Variants in MYO1D observed in about 807,000 individuals in gnomAD.
MYO1D encodes myosin ID.
MYO1D carries 83 observed loss-of-function variants against 122.0 expected under a neutral mutation model. The ratio of observed to expected loss-of-function variants is 0.68; its 90% CI spans 0.57 to 0.82. The LOEUF is 0.82. Ranked by LOEUF, MYO1D falls within the 40% of genes least tolerant of loss-of-function variation. The pLI, the probability that MYO1D is intolerant of heterozygous loss-of-function variation, is 0.00. For missense variants in MYO1D, 1,157 were observed against 1,269.5 expected, an observed-to-expected ratio of 0.91 and a Z score of 1.35; for synonymous variants, 464 against 446.9, an observed-to-expected ratio of 1.04 and a Z score of -0.48.
intron 21 of MYO1D, among the ~76,000 whole-genome samples, chr17:32,549,248 A>G (rs1227283463): frequency 6.6e-6 from 1 of 152,082 alleles, no homozygotes; most frequent in East Asian, 1.9e-4. Flanking sequence ...ACACAGCACC[A>G]CACCCAGCTA....
rs567649657 is a variant in MYO1D, at chr17:32,751,939, T to C, written c.1468-2933A>G. The stretch of plus-strand genomic sequence containing the variant: ...TAGAAAAACAATCCTAAAGTTCATA[T>C]AGAACCAAAAAACAGCCCAAATAGC... On this transcript the variant is annotated intron_variant, in intron 11 of 21. Transcript: ENST00000318217. 2.6e-5 allele frequency among the ~76,000 whole-genome samples: 4 copies of C among 152,218 alleles called. No homozygotes were observed. In the South Asian group the frequency reaches 6.2e-4, roughly 24 times the overall value.
At chr17:32,817,855 G>C (rs191388484) in intron 1 of MYO1D, among the ~76,000 whole-genome samples, 1 of 151,924 alleles carries the variant, frequency 6.6e-6, no homozygotes, top group Non-Finnish European at 1.5e-5. Context: ...GGCCGGGCGC[G>C]GTGGCTCACG....
intron 16 of MYO1D, among the ~76,000 whole-genome samples, chr17:32,666,744 G>T (rs779463249): frequency 1.3e-5 from 2 of 152,108 alleles, no homozygotes; most frequent in Non-Finnish European, 2.9e-5. Context: ...GTCATTATGG[G>T]CATTGGGGGC....
chr17:32,636,897 A>G (rs2088107610), intron 20 of MYO1D, among the ~76,000 whole-genome samples: 1 of 152,228 alleles, frequency 6.6e-6, no homozygotes, highest in South Asian at 2.1e-4. Flanking sequence ...ATGCACAAAT[A>G]TGGTATGGGA....
intron 1 of MYO1D, among the ~76,000 whole-genome samples, chr17:32,795,495 CAATAGCTTCCTCCCATAAAACGTT>C (rs1226949216): frequency 1.3e-5 from 2 of 151,698 alleles, no homozygotes; most frequent in Non-Finnish European, 2.9e-5. Context: ...GAAACAAACA[CAATAGCTTCCTCCCATAAAACGTT>C]AACTACTAAG....
At chr17:32,686,553 C>T (rs1372833756) in intron 16 of MYO1D, 2 of 152,154 alleles carry the variant, frequency 1.3e-5, no homozygotes, top group Non-Finnish European at 2.9e-5. Context: ...GTAACTGTGA[C>T]AATAGTTAAC....
intron 1 of MYO1D, among the ~76,000 whole-genome samples, chr17:32,795,981 G>C (rs550925795): frequency 6.6e-6 from 1 of 152,014 alleles, no homozygotes. Context: ...GCGCGCTCTC[G>C]GGGTTCGAAC....
intron 1 of MYO1D, among the ~76,000 whole-genome samples, chr17:32,800,401 TG>T (rs1191599557): frequency 8.5e-5 from 13 of 152,202 alleles, no homozygotes; most frequent in Non-Finnish European, 1.5e-5. Flanking sequence ...TTTGATAACA[TG>T]GATGAACCTA....
chr17:32,688,426 C>T (rs2089049096), intron 16 of MYO1D, among the ~76,000 whole-genome samples: 1 of 152,108 alleles, frequency 6.6e-6, no homozygotes, highest in South Asian at 2.1e-4. Context: ...TTCCTGCTTC[C>T]CTTTGACTCA....
chr17:32,692,566 T>G (rs1444324927), intron 16 of MYO1D, among the ~76,000 whole-genome samples: 2 of 152,210 alleles, frequency 1.3e-5, no homozygotes, highest in Non-Finnish European at 2.9e-5. Flanking sequence ...GAACGGCTAT[T>G]ACAATAAAAT....
chr17:32,638,388 T>C (rs147071333), intron 20 of MYO1D, among the ~76,000 whole-genome samples: 2,852 of 152,276 alleles, frequency 0.019, 76 homozygotes, highest in African/African-American at 0.062. Context: ...CCCCTACCGA[T>C]TTTCTACCAT....
At chr17:32,765,195 T>G (rs1472193896) in intron 7 of MYO1D, 114 bp from the exon 8 acceptor site, 2 of 777,590 alleles carry the variant, frequency 2.6e-6, no homozygotes, top group South Asian at 1.8e-5. Context: ...CTAAATACAT[T>G]ATACATCTCA....
chr17:32,818,111 G>A lies in MYO1D; in HGVS notation c.96-37327C>T, dbSNP rs868141787. On this transcript the variant is annotated intron_variant, in intron 1 of 21. Coordinates refer to ENST00000318217, the MANE Select transcript of MYO1D (RefSeq NM_015194.3). ...ACTGCACTCCAGCCTGGGCGACAGA[G>A]CGAGACTCCGTCTCAAAAAAAAAAA... Among the ~76,000 whole-genome samples the A allele has an allele frequency of 9.6e-3, 589 of 61,166 alleles. 7 individuals are homozygous for A. Among genetic ancestry groups the A allele is most frequent in the African/African-American group, 0.032 (562 of 17,790 alleles). The allele number at this position is 61,166 out of a possible 152,430, so 40.1% of individuals were successfully genotyped here.
intron 19 of MYO1D, among the ~76,000 whole-genome samples, chr17:32,650,830 T>C (rs1451158593): frequency 6.6e-6 from 1 of 152,216 alleles, no homozygotes; most frequent in Non-Finnish European, 1.5e-5. Flanking sequence ...ATAATAATTA[T>C]TTTAATGACC....
chr17:32,501,589 A>AGAAG, intron 21 of MYO1D, among the ~76,000 whole-genome samples: 1 of 152,188 alleles, frequency 6.6e-6, no homozygotes, highest in East Asian at 1.9e-4. Context: ...AAAAAACTCA[A>AGAAG]GAAGGATGGG....
At chr17:32,587,445 G>A (rs2150903989) in intron 21 of MYO1D, among the ~76,000 whole-genome samples, 1 of 151,968 alleles carries the variant, frequency 6.6e-6, no homozygotes, top group South Asian at 2.1e-4. Context: ...CCAGGAGGTG[G>A]GGGTTGCAGT....
At chr17:32,635,480 C>T (rs1206342430) in intron 20 of MYO1D, among the ~76,000 whole-genome samples, 1 of 152,132 alleles carries the variant, frequency 6.6e-6, no homozygotes, top group African/African-American at 2.4e-5. Context: ...GTGGGCAGAT[C>T]ATGAGGTGAG....
At chr17:32,846,181 T>C (rs547879610) in intron 1 of MYO1D, among the ~76,000 whole-genome samples, 3 of 152,312 alleles carry the variant, frequency 2.0e-5, no homozygotes, top group African/African-American at 7.2e-5. Flanking sequence ...GCAATGCAAT[T>C]TGGGCTTCGT....
intron 21 of MYO1D, among the ~76,000 whole-genome samples, chr17:32,568,760 C>A (rs1310701926): frequency 2.0e-5 from 3 of 152,234 alleles, no homozygotes; most frequent in African/African-American, 7.2e-5. Flanking sequence ...TCTGCCCTTT[C>A]CGTGCTTTCT....
Sources: gnomAD v4.1 joint callset for allele counts (sites outside exome capture counted in the v4.1 genomes callset) on GRCh38, gnomAD v4.1.1 for gene constraint, MANE v1.5 for transcripts, NCBI Gene and HGNC (gene_info 2026-07-23, HGNC 2026-07-21) for gene names.